The following JADE2 variants were observed in gnomAD, a reference collection of about 807,000 sequenced individuals.
JADE2 encodes jade family PHD finger 2.
Under a neutral mutation model 85.7 loss-of-function variants are expected in JADE2, and 13 were observed. The ratio of observed to expected loss-of-function variants is 0.15; its 90% CI spans 0.10 to 0.24. The LOEUF is 0.24. Among genes scored for constraint, JADE2 ranks in the 10% least tolerant of loss-of-function variants. JADE2 has a pLI of 1.00. For missense variants in JADE2, 846 were observed against 1,115.9 expected, an observed-to-expected ratio of 0.76 and a Z score of 3.45; for synonymous variants, 440 against 456.1, an observed-to-expected ratio of 0.96 and a Z score of 0.45.
At chr5:134,532,209 T>C (rs943587559) in intron 1 of JADE2, among the ~76,000 whole-genome samples, 3 of 152,132 alleles carry the variant, frequency 2.0e-5, no homozygotes, top group African/African-American at 7.2e-5. Context: ...TAAACATCAC[T>C]CTGGCAGCTG....
chr5:134,566,555 C>A lies in JADE2; in HGVS notation c.1409C>A (p.Thr470Asn). ...DVLYRRLKLF[T>N]HLRQDLERVR... ...CTCTACCGCCGCCTGAAGCTCTTCA[C>A]CCATCTGCGGCAGGACCTAGAGAGG... The change falls in exon 9 of 12, where the codon ACC becomes AAC. Residue 470 changes from threonine to asparagine, a missense_variant. Physicochemically the swap from Thr to Asn is moderately conservative, Grantham distance 65 (BLOSUM62 0). This residue lies in a region of JADE2 where 88 missense variants were observed against 140.6 expected (regional missense o/e 0.63). Coordinates refer to ENST00000681547, the MANE Select transcript of JADE2 (RefSeq NM_001388185.1). This position sits in a 1 kb window ranked among gnomAD's most constrained non-coding sequence, Gnocchi z 6.7. 1 of 1,570,190 alleles carries A rather than the reference C, an allele frequency of 6.4e-7. No homozygotes were observed. Among genetic ancestry groups the A allele is most frequent in the Non-Finnish European group, 8.6e-7 (1 of 1,157,292 alleles).
chr5:134,525,663 AAGAAAC>A (rs1424223788), upstream of JADE2: 1 of 1,259,464 alleles, frequency 7.9e-7, no homozygotes, highest in South Asian at 1.3e-5. Context: ...TTGGTTTAAA[AAGAAAC>A]AGAAACATAC....
At position 134,537,977 on chromosome 5, in the gene JADE2, C is replaced by G; in HGVS notation, c.59-12C>G. Reference sequence around the variant, plus strand: ...CCTCCAGGACCCCTAATGGACTGTTCTCTCTCTGCAGGTCATGCGACATCT... The same window carrying G: ...CCTCCAGGACCCCTAATGGACTGTTGTCTCTCTGCAGGTCATGCGACATCT... On this transcript the variant is annotated splice_polypyrimidine_tract_variant and intron_variant, in intron 2 of 11. Coordinates refer to ENST00000681547, the MANE Select transcript of JADE2 (RefSeq NM_001388185.1). 1 of 1,610,316 alleles carries G rather than the reference C, an allele frequency of 6.2e-7. No individual in the cohort carries two copies.
chr5:134,535,892 G>C lies in JADE2; in HGVS notation c.35G>C (p.Ser12Thr), dbSNP rs1561726617. Residue 12 changes from serine (S) to threonine (T), a missense_variant, in exon 2 of 12, where the codon AGT becomes ACT. Ser to Thr is a moderately conservative substitution (Grantham distance 58). Transcript: ENST00000681547. ...AAGAGGCGAAAATACTCCATCAGCA[G>C]TGACAACTCTGACACCACTGACAGT... ...EEKRRKYSIS[S>T]DNSDTTDSHA... The C allele has an allele frequency of 6.2e-7, 1 of 1,613,968 alleles. No individual in the cohort carries two copies.
At chr5:134,563,223 C>T (rs1479763674) in intron 7 of JADE2, among the ~76,000 whole-genome samples, 1 of 151,542 alleles carries the variant, frequency 6.6e-6, no homozygotes, top group East Asian at 1.9e-4. Context: ...GTGGCTGAGG[C>T]ACGAGAATCA....
chr5:134,542,435 C>CTTTT (rs10568722), intron 3 of JADE2, among the ~76,000 whole-genome samples: 6 of 93,472 alleles, frequency 6.4e-5, no homozygotes, highest in Admixed American at 1.2e-4. Flanking sequence ...GTACCTATAC[C>CTTTT]TTTTTTTTTT....
chr5:134,571,684 G>A (rs190159378), intron 9 of JADE2, among the ~76,000 whole-genome samples: 28 of 152,320 alleles, frequency 1.8e-4, no homozygotes, highest in South Asian at 4.2e-4. Flanking sequence ...GCGACAGACC[G>A]AGACCCCGTC....
intron 3 of JADE2, among the ~76,000 whole-genome samples, chr5:134,549,167 T>G (rs1762462183): frequency 1.3e-5 from 2 of 152,152 alleles, no homozygotes; most frequent in African/African-American, 4.8e-5. Context: ...AGTGGCTCAG[T>G]CAGGCAGTTG....
In JADE2 at chr5:134,579,329, C is replaced by CCCTG; in HGVS notation, c.*13_*16dup. On this transcript the variant is annotated 3_prime_UTR_variant, in exon 12 of 12. Transcript: ENST00000681547. The surrounding 1 kb of genome is among the most constrained non-coding windows in gnomAD (Gnocchi z 4.6). ...TACTGGCCTCCTAACTCACCCCCTT[C>CCCTG]CCTGTCCCAGGCCCTGCCCTGGTCC... The CCCTG allele has an allele frequency of 1.3e-6, 2 of 1,561,598 alleles. No homozygotes were observed. Among genetic ancestry groups the CCCTG allele is most frequent in the South Asian group, 2.4e-5 (2 of 83,542 alleles).
rs922538624 is a variant in JADE2 at position 134,578,288 on chromosome 5, C to T, written c.1682-206C>T. On this transcript the variant is annotated intron_variant, in intron 11 of 11. Transcript: ENST00000681547. The surrounding 1 kb of genome is among the most constrained non-coding windows in gnomAD (Gnocchi z 4.4). Reference sequence around the variant, plus strand: ...GAAGCCCATCTTGAGGGCAGCACGTCCTTCTGGAGAGAAGCGTATAAGTAG... The same window carrying T: ...GAAGCCCATCTTGAGGGCAGCACGTTCTTCTGGAGAGAAGCGTATAAGTAG... Among the ~76,000 whole-genome samples the T allele has an allele frequency of 3.9e-5, 6 of 152,208 alleles. No individual in the cohort carries two copies. Among genetic ancestry groups the T allele is most frequent in the Admixed American group, 1.3e-4 (2 of 15,286 alleles).
intron 3 of JADE2, 142 bp from the exon 4 acceptor site, chr5:134,551,910 G>T: frequency 1.3e-6 from 1 of 777,904 alleles, no homozygotes; most frequent in Non-Finnish European, 2.3e-6. Flanking sequence ...TTATTGTGCT[G>T]ATTGCTTTTA....
intron 3 of JADE2, among the ~76,000 whole-genome samples, chr5:134,548,561 A>T (rs763658280): frequency 3.3e-5 from 5 of 152,158 alleles, no homozygotes; most frequent in African/African-American, 4.8e-5. Flanking sequence ...TGCCTGCTAG[A>T]GCCCGTAGTG....
intron 1 of JADE2, among the ~76,000 whole-genome samples, chr5:134,528,494 A>T (rs1015636336): frequency 1.3e-5 from 2 of 152,206 alleles, no homozygotes; most frequent in African/African-American, 2.4e-5. Context: ...TGACCCAGGC[A>T]GGGAGGAGGG....
chr5:134,559,723 G>A, intron 4 of JADE2, 107 bp from the exon 5 acceptor site: 1 of 1,147,732 alleles, frequency 8.7e-7, no homozygotes. Context: ...TGGTGTCAAA[G>A]CACACTTGTC....
chr5:134,537,999 A>G lies in JADE2; in HGVS notation c.69A>G (p.Thr23=), dbSNP rs1480402723. The change falls in exon 3 of 12, where the codon ACA becomes ACG. Residue 23 remains threonine (T), a synonymous_variant. Transcript: ENST00000681547. ...GTTCTCTCTCTGCAGGTCATGCGAC[A>G]TCTACATCCGCATCAAGATGCTCCA... ...DNSDTTDSHA[T]STSASRCSKL... 1 of 1,614,030 alleles carries G rather than the reference A, an allele frequency of 6.2e-7. No individual in the cohort carries two copies.
intron 1 of JADE2, 82 bp from the exon 2 acceptor site, chr5:134,535,776 G>A: frequency 4.4e-6 from 5 of 1,126,752 alleles, no homozygotes; most frequent in Non-Finnish European, 6.8e-6. Context: ...AGTGTGGGGA[G>A]GTTGGTTATG....
At chr5:134,545,003 C>G (rs1366837479) in intron 3 of JADE2, among the ~76,000 whole-genome samples, 2 of 152,200 alleles carry the variant, frequency 1.3e-5, no homozygotes, top group Admixed American at 1.3e-4. Context: ...GTTTGAAATG[C>G]CATTTTATAG....
rs780793194 is a variant in JADE2 at position 134,579,101 on chromosome 5, A to G, written c.2289A>G (p.Arg763=). The G allele has an allele frequency of 1.2e-6, 2 of 1,614,040 alleles. No individual in the cohort carries two copies. Among genetic ancestry groups the G allele is most frequent in the Admixed American group, 3.3e-5 (2 of 60,030 alleles). The change falls in exon 12 of 12, where the codon AGA becomes AGG. Residue 763 remains arginine, a synonymous_variant. Transcript: ENST00000681547. This position sits in a 1 kb window ranked among gnomAD's most constrained non-coding sequence, Gnocchi z 4.6. ...RPPRESKVTR[R]LPGARPDAGM... is the part of the protein sequence containing the mutation. ...CCCGCGAGAGCAAGGTAACCCGGAG[A>G]TTGCCGGGTGCCAGGCCTGATGCTG...
In JADE2 at chr5:134,579,094, C is replaced by A. The variant is rs1764570106; in HGVS notation, c.2282C>A (p.Thr761Asn). 1.2e-6 allele frequency: 2 copies of A among 1,613,988 alleles called. No individual in the cohort carries two copies. Among genetic ancestry groups the A allele is most frequent in the Admixed American group, 1.7e-5 (1 of 60,004 alleles). Reference sequence around the variant, plus strand: ...CGGCCACCCCGCGAGAGCAAGGTAACCCGGAGATTGCCGGGTGCCAGGCCT... The same window carrying A: ...CGGCCACCCCGCGAGAGCAAGGTAAACCGGAGATTGCCGGGTGCCAGGCCT... The part of the protein sequence containing the change: ...RLRPPRESKV[T>N]RRLPGARPDA... Residue 761 changes from threonine (T) to asparagine (N), a missense_variant, in exon 12 of 12, where the codon ACC becomes AAC. By Grantham distance (65) the Thr-to-Asn change is moderately conservative. Coordinates refer to ENST00000681547, the MANE Select transcript of JADE2 (RefSeq NM_001388185.1). This position sits in a 1 kb window ranked among gnomAD's most constrained non-coding sequence, Gnocchi z 4.6.
Sources: gnomAD v4.1 joint callset for allele counts (sites outside exome capture counted in the v4.1 genomes callset) on GRCh38, gnomAD v4.1.1 for gene constraint, gnomAD v4.1.1 regional missense constraint, Gnocchi (gnomAD v3.1) non-coding constraint, MANE v1.5 for transcripts, NCBI Gene and HGNC (gene_info 2026-07-23, HGNC 2026-07-21) for gene names.